SOX6: variants seen among roughly 807,000 people sequenced by gnomAD.
SOX6 encodes the protein transcription factor SOX-6.
SOX6 carries 11 observed loss-of-function variants against 97.8 expected under a neutral mutation model. The ratio of observed to expected loss-of-function variants is 0.11; its 90% CI spans 0.07 to 0.19. The LOEUF is 0.19. Ranked by LOEUF, SOX6 falls within the 10% of genes least tolerant of loss-of-function variation. The pLI is 1.00. For missense variants in SOX6, 810 were observed against 1,039.5 expected (o/e 0.78, Z 3.04); for synonymous variants, 360 against 371.4 (o/e 0.97, Z 0.35).
At chr11:16,652,989 A>G (rs550457911) in intron 3 of SOX6, among the ~76,000 whole-genome samples, 7 of 152,158 alleles carry the variant, frequency 4.6e-5, no homozygotes, top group Non-Finnish European at 8.8e-5. Flanking sequence ...AAGATACACA[A>G]ATGGCCAAAA....
At chr11:16,681,378 G>A (rs941938606) in intron 3 of SOX6, among the ~76,000 whole-genome samples, 19 of 152,156 alleles carry the variant, frequency 1.2e-4, no homozygotes, top group African/African-American at 4.6e-4. Flanking sequence ...ATAACAAAAT[G>A]AAGACAGAAG....
intron 6 of SOX6, among the ~76,000 whole-genome samples, chr11:16,174,513 G>A (rs990639924): frequency 4.0e-5 from 6 of 151,852 alleles, no homozygotes; most frequent in African/African-American, 1.2e-4. Flanking sequence ...GTTACTATAT[G>A]TGAATTAAAA....
intron 1 of SOX6, among the ~76,000 whole-genome samples, chr11:16,410,218 A>G (rs1858776085): frequency 6.6e-6 from 1 of 152,186 alleles, no homozygotes; most frequent in Non-Finnish European, 1.5e-5. Context: ...TAAATAAAGA[A>G]ATTTTAAAAG....
chr11:16,274,456 G>A (rs1255332902), intron 3 of SOX6, among the ~76,000 whole-genome samples: 3 of 150,914 alleles, frequency 2.0e-5, no homozygotes, highest in African/African-American at 7.3e-5. Context: ...TCTAGGTGGT[G>A]GTATTAATTT....
At chr11:16,606,974 A>C (rs955813732) in intron 4 of SOX6, among the ~76,000 whole-genome samples, 2 of 148,722 alleles carry the variant, frequency 1.3e-5, no homozygotes, top group African/African-American at 2.5e-5. Flanking sequence ...CTCTCCCTCC[A>C]CTCCCCCTCC....
chr11:16,094,274 A>G (rs1441490497), intron 9 of SOX6, among the ~76,000 whole-genome samples: 2 of 148,922 alleles, frequency 1.3e-5, no homozygotes, highest in Admixed American at 1.3e-4. Context: ...AACAGAAGCC[A>G]GATTTGACAC....
chr11:16,067,482 G>GCTC (rs942626665), intron 9 of SOX6, among the ~76,000 whole-genome samples: 1 of 151,992 alleles, frequency 6.6e-6, no homozygotes, highest in Non-Finnish European at 1.5e-5. Context: ...ACGTGCCTTT[G>GCTC]CTCCTCCTTC....
At chr11:16,180,958 T>G (rs1271304026) in intron 6 of SOX6, among the ~76,000 whole-genome samples, 3 of 151,820 alleles carry the variant, frequency 2.0e-5, no homozygotes, top group African/African-American at 7.2e-5. Context: ...AAATCCTGTT[T>G]TTCAATTTGT....
intron 1 of SOX6, among the ~76,000 whole-genome samples, chr11:16,467,994 A>C (rs1483675290): frequency 6.6e-6 from 1 of 152,182 alleles, no homozygotes; most frequent in Non-Finnish European, 1.5e-5. Context: ...ATGTAATAAT[A>C]CTGGAAGATG....
chr11:16,129,544 A>T (rs1349472148), intron 6 of SOX6, among the ~76,000 whole-genome samples: 1 of 152,210 alleles, frequency 6.6e-6, no homozygotes, highest in Admixed American at 6.5e-5. Flanking sequence ...TTTAAAAAGC[A>T]TACAAGTGAG....
chr11:16,502,756 T>G (rs1860727598), intron 4 of SOX6, among the ~76,000 whole-genome samples: 1 of 152,162 alleles, frequency 6.6e-6, no homozygotes, highest in Non-Finnish European at 1.5e-5. Context: ...ATTTTCAGTG[T>G]CTCAGAAGGT....
intron 4 of SOX6, among the ~76,000 whole-genome samples, chr11:16,200,786 ACAGTTC>A (rs1851914250): frequency 6.6e-6 from 1 of 152,104 alleles, no homozygotes; most frequent in Non-Finnish European, 1.5e-5. Context: ...CAAACCTATA[ACAGTTC>A]CAGACATATA....
At chr11:16,504,181 A>C (rs577668916) in intron 4 of SOX6, among the ~76,000 whole-genome samples, 10 of 152,130 alleles carry the variant, frequency 6.6e-5, no homozygotes, top group Non-Finnish European at 1.5e-4. Flanking sequence ...TAATAACTAG[A>C]ACAAGACAAG....
intron 3 of SOX6, among the ~76,000 whole-genome samples, chr11:16,691,161 C>A (rs892373148): frequency 6.6e-6 from 1 of 152,170 alleles, no homozygotes; most frequent in African/African-American, 2.4e-5. Flanking sequence ...TGATAACCAT[C>A]AGAACGGTAT....
At chr11:15,977,955 C>T (rs1848323954) in intron 15 of SOX6, among the ~76,000 whole-genome samples, 3 of 152,058 alleles carry the variant, frequency 2.0e-5, no homozygotes, top group Admixed American at 1.3e-4. Flanking sequence ...TGACTGGCCT[C>T]CCTGTATCTG....
chr11:16,169,197 A>G (rs543882601), intron 6 of SOX6, among the ~76,000 whole-genome samples: 2 of 152,280 alleles, frequency 1.3e-5, no homozygotes, highest in South Asian at 4.1e-4. Flanking sequence ...CCCTTCATTT[A>G]TAGATAATGC....
intron 13 of SOX6, among the ~76,000 whole-genome samples, chr11:15,993,491 A>G (rs772627291): frequency 6.6e-6 from 1 of 152,132 alleles, no homozygotes; most frequent in Non-Finnish European, 1.5e-5. Flanking sequence ...ATGTACCTGG[A>G]GACGGCTTTC....
intron 4 of SOX6, among the ~76,000 whole-genome samples, chr11:16,551,691 C>T (rs887318700): frequency 6.6e-6 from 1 of 152,120 alleles, no homozygotes; most frequent in African/African-American, 2.4e-5. Context: ...TCAACCTCCG[C>T]CTCCCGGGTT....
chr11:16,063,917 A>G (rs1182575737), intron 9 of SOX6, among the ~76,000 whole-genome samples: 1 of 151,530 alleles, frequency 6.6e-6, no homozygotes, highest in Non-Finnish European at 1.5e-5. Flanking sequence ...AATGAAACCA[A>G]TTTCTTGTTC....
Sources: gnomAD v4.1 joint callset for allele counts (sites outside exome capture counted in the v4.1 genomes callset) on GRCh38, gnomAD v4.1.1 for gene constraint, MANE v1.5 for transcripts, NCBI Gene and HGNC (gene_info 2026-07-23, HGNC 2026-07-21) for gene names.